Variants in SYTL5 observed in about 807,000 individuals in gnomAD.
The protein encoded by SYTL5 is synaptotagmin-like protein 5.
SYTL5 carries 34 observed loss-of-function variants against 55.9 expected under a neutral mutation model. That is an observed-to-expected ratio of 0.61 (90% CI 0.46 to 0.81). SYTL5 has a LOEUF of 0.81. Ranked by LOEUF, SYTL5 falls within the 30% of genes least tolerant of loss-of-function variation. The pLI is 0.00. For missense variants in SYTL5, 637 were observed against 546.7 expected (o/e 1.17, Z -1.65); for synonymous variants, 221 against 188.7 (o/e 1.17, Z -1.40).
chrX:38,115,868 C>G (rs1049114360), intron 13 of SYTL5, among the ~76,000 whole-genome samples: 3 of 112,106 alleles, frequency 2.7e-5, no homozygotes, highest in African/African-American at 9.7e-5. Flanking sequence ...TGATTTGCAA[C>G]TATTTTCTCT....
chrX:38,010,041 A>C (rs1387280125), intron 1 of SYTL5, among the ~76,000 whole-genome samples: 5 of 112,438 alleles, frequency 4.4e-5, no homozygotes, highest in Non-Finnish European at 9.4e-5. Flanking sequence ...CTCTGCAGTC[A>C]GATGACCTGA....
chrX:37,895,505 T>TTTCTTTCTTTCTTTCTTTC, the SYTL5 span, among the ~76,000 whole-genome samples: 2 of 99,279 alleles, frequency 2.0e-5, no homozygotes, highest in East Asian at 6.2e-4. Context: ...TCTTTCTTTC[T>TTTCTTTCTTTCTTTCTTTC]TTTTCTTTTC....
rs763283946 is a variant in SYTL5, at chrX:38,008,011, C to A, written c.-357+1343C>A. Reference sequence around the variant, plus strand: ...GTGAATAAAATTATTGAGCTTCTACCTCTTTTCTTTTGGAGGCCCATTTAG... The same window carrying A: ...GTGAATAAAATTATTGAGCTTCTACATCTTTTCTTTTGGAGGCCCATTTAG... On this transcript the variant is annotated intron_variant, in intron 1 of 16. Coordinates refer to ENST00000297875, the MANE Select transcript of SYTL5 (RefSeq NM_138780.3). Among the ~76,000 whole-genome samples the A allele has an allele frequency of 1.4e-3, 159 of 111,439 alleles. 1 individual carries two copies. Among genetic ancestry groups the A allele is most frequent in the African/African-American group, 4.8e-3 (149 of 30,786 alleles).
intron 1 of SYTL5, among the ~76,000 whole-genome samples, chrX:38,008,075 T>A (rs972080200): frequency 4.6e-4 from 51 of 111,402 alleles, no homozygotes; most frequent in African/African-American, 1.6e-3. Context: ...TTATTTAGTA[T>A]GTTAAGGGAA....
chrX:38,002,544 G>A (rs754832161), upstream of SYTL5, among the ~76,000 whole-genome samples: 92 of 111,554 alleles, frequency 8.2e-4, no homozygotes, highest in African/African-American at 2.9e-3. Context: ...CTGACTTTTG[G>A]ATGATCGCCA....
At chrX:37,959,046 T>C in the SYTL5 span, among the ~76,000 whole-genome samples, 1 of 111,708 alleles carries the variant, frequency 9.0e-6, no homozygotes, top group African/African-American at 3.3e-5. Flanking sequence ...TGGAGTCTTA[T>C]GCCTGCAGTT....
the SYTL5 span, among the ~76,000 whole-genome samples, chrX:37,907,907 TA>T: frequency 1.8e-5 from 2 of 111,242 alleles, no homozygotes; most frequent in African/African-American, 6.5e-5. Flanking sequence ...TTTTATTTTT[TA>T]TTTTTTTGCT....
chrX:38,087,430 A>T (rs1360322756), intron 6 of SYTL5, among the ~76,000 whole-genome samples: 5 of 111,853 alleles, frequency 4.5e-5, no homozygotes, highest in Middle Eastern at 4.7e-3. Flanking sequence ...AAGAAATTAG[A>T]ATTCCAAAGT....
At chrX:37,943,963 A>G in the SYTL5 span, among the ~76,000 whole-genome samples, 1 of 111,064 alleles carries the variant, frequency 9.0e-6, no homozygotes, top group Non-Finnish European at 1.9e-5. Context: ...TCATCGGCAG[A>G]GTTCTGAACA....
chrX:37,929,553 A>G, the SYTL5 span, among the ~76,000 whole-genome samples: 1 of 112,110 alleles, frequency 8.9e-6, no homozygotes, highest in Non-Finnish European at 1.9e-5. Context: ...TATTGTTGAG[A>G]TAAGTAGAAG....
intron 1 of SYTL5, among the ~76,000 whole-genome samples, chrX:38,015,706 G>GT (rs367736386): frequency 0.019 from 1,893 of 101,805 alleles, 17 homozygotes; most frequent in Middle Eastern, 0.041. Context: ...ACAATTCAAT[G>GT]TTTTTTTTTT....
At chrX:38,046,483 A>G (rs760094226) in intron 2 of SYTL5, among the ~76,000 whole-genome samples, 1 of 111,574 alleles carries the variant, frequency 9.0e-6, no homozygotes, top group African/African-American at 3.3e-5. Context: ...CACTATCATG[A>G]GAATAGCATG....
chrX:37,981,849 T>C, the SYTL5 span, among the ~76,000 whole-genome samples: 1 of 111,574 alleles, frequency 9.0e-6, no homozygotes, highest in Non-Finnish European at 1.9e-5. Flanking sequence ...ATCAAAGGTT[T>C]TATACTGCAA....
the SYTL5 span, among the ~76,000 whole-genome samples, chrX:37,934,187 G>A: frequency 2.7e-5 from 3 of 110,407 alleles, no homozygotes; most frequent in African/African-American, 6.6e-5. Flanking sequence ...AAACTATGGC[G>A]TATCCACAGG....
chrX:37,933,800 G>A, the SYTL5 span, among the ~76,000 whole-genome samples: 1 of 111,698 alleles, frequency 9.0e-6, no homozygotes, highest in Admixed American at 9.5e-5. Context: ...AGAAAAACCT[G>A]AGAAGTCTCT....
At chrX:37,997,009 A>G in the SYTL5 span, among the ~76,000 whole-genome samples, 1 of 112,760 alleles carries the variant, frequency 8.9e-6, no homozygotes, top group Non-Finnish European at 1.9e-5. Flanking sequence ...TGAAAAATCT[A>G]GATCTTTCAT....
At chrX:38,007,521 A>T (rs2208107) in intron 1 of SYTL5, among the ~76,000 whole-genome samples, 9,506 of 111,705 alleles carry the variant, frequency 0.085, 834 homozygotes, top group African/African-American at 0.26. Flanking sequence ...TATTTATAGC[A>T]TTCAAAATAG....
chrX:38,107,998 TAA>T (rs1351997754), intron 11 of SYTL5, among the ~76,000 whole-genome samples: 1 of 112,454 alleles, frequency 8.9e-6, no homozygotes, highest in Non-Finnish European at 1.9e-5. Context: ...TAGCTCAAGC[TAA>T]AGTGTTGGGT....
chrX:38,024,606 T>C (rs1407992681), intron 1 of SYTL5, among the ~76,000 whole-genome samples: 1 of 111,548 alleles, frequency 9.0e-6, no homozygotes, highest in Non-Finnish European at 1.9e-5. Context: ...AACCAAACTA[T>C]TCTGAATTAC....
Sources: gnomAD v4.1 joint callset for allele counts (sites outside exome capture counted in the v4.1 genomes callset) on GRCh38, gnomAD v4.1.1 for gene constraint, MANE v1.5 for transcripts, NCBI Gene and HGNC (gene_info 2026-07-23, HGNC 2026-07-21) for gene names.